GRIK1: variants seen among roughly 807,000 people sequenced by gnomAD.
GRIK1 encodes glutamate ionotropic receptor kainate type subunit 1.
A neutral mutation model predicts 105.7 loss-of-function variants in GRIK1; 69 were observed. That is an observed-to-expected ratio of 0.65 (90% CI 0.54 to 0.80). The LOEUF (loss-of-function observed/expected upper bound fraction) is 0.80. GRIK1 is among the 30% of genes least tolerant of loss of function. The pLI, the probability that GRIK1 is intolerant of heterozygous loss-of-function variation, is 0.00. For synonymous variants in GRIK1, 438 were observed against 431.3 expected, an observed-to-expected ratio of 1.02 and a Z score of -0.19; for missense variants, 1,109 against 1,167.3, an observed-to-expected ratio of 0.95 and a Z score of 0.73.
chr21:29,752,823 G>A (rs572221693), intron 1 of GRIK1, among the ~76,000 whole-genome samples: 38 of 152,194 alleles, frequency 2.5e-4, no homozygotes, highest in Non-Finnish European at 4.6e-4. Context: ...GGATGACAGA[G>A]TGAGGCCCTG....
intron 1 of GRIK1, among the ~76,000 whole-genome samples, chr21:29,916,244 A>G (rs1454254401): frequency 1.3e-5 from 2 of 151,986 alleles, no homozygotes; most frequent in Non-Finnish European, 2.9e-5. Flanking sequence ...TATCCATATT[A>G]TAATGTTGTA....
At chr21:29,774,638 G>T (rs459385) in intron 1 of GRIK1, among the ~76,000 whole-genome samples, 88,438 of 151,698 alleles carry the variant, frequency 0.58, 27,461 homozygotes, top group Middle Eastern at 0.69. Flanking sequence ...TTTTAGTGGA[G>T]ACAGGGTTTT....
chr21:29,540,970 A>AATT (rs1472823088), intron 16 of GRIK1, among the ~76,000 whole-genome samples: 1 of 134,630 alleles, frequency 7.4e-6, no homozygotes, highest in Non-Finnish European at 1.6e-5. Context: ...CTTGCACTTG[A>AATT]TTTTTTTTTT....
rs778719846 is a variant in GRIK1 at position 29,672,965 on chromosome 21, C to T, written c.726+18G>A. On this transcript the variant is annotated intron_variant, in intron 4 of 17. Transcript: ENST00000327783. ...TAACATTTATCCCACACCTCCACCT[C>T]CTCCCTAGCCCTCTTACCTGCTTAA... The T allele has an allele frequency of 5.1e-6, 8 of 1,566,528 alleles. No homozygotes were observed. The highest frequency in any genetic ancestry group is 3.5e-5 in the South Asian group (3 of 86,022).
At chr21:29,558,882 T>C (rs113797337) in intron 15 of GRIK1, among the ~76,000 whole-genome samples, 4,389 of 152,202 alleles carry the variant, frequency 0.029, 88 homozygotes, top group African/African-American at 0.036. Context: ...CGTCACTCAC[T>C]GTACTATCAG....
chr21:29,694,534 A>G (rs931187270), intron 1 of GRIK1, among the ~76,000 whole-genome samples: 2 of 152,222 alleles, frequency 1.3e-5, no homozygotes, highest in African/African-American at 2.4e-5. Context: ...CATGTGCCAC[A>G]TGCAGATAAA....
At chr21:29,679,163 T>C (rs781287221) in intron 3 of GRIK1, among the ~76,000 whole-genome samples, 1 of 152,204 alleles carries the variant, frequency 6.6e-6, no homozygotes, top group Non-Finnish European at 1.5e-5. Context: ...ATTTCATGTA[T>C]GTTTTCTCCC....
At position 29,758,192 on chromosome 21, in the gene GRIK1, C is replaced by T. The variant is rs2065401555; in HGVS notation, c.119-64129G>A. On this transcript the variant is annotated intron_variant, in intron 1 of 17. Transcript: ENST00000327783. The stretch of plus-strand genomic sequence containing the variant: ...ATTGCATGCCAAAGAGGAAAACAAA[C>T]TAAGATTTGGGAAATAACATCAAGT... Among the ~76,000 whole-genome samples, 4 of 152,292 alleles carry T rather than the reference C, an allele frequency of 2.6e-5. No homozygotes were observed. The South Asian group carries it at 8.3e-4, about 32-fold the overall frequency.
chr21:29,900,761 T>G (rs933091773), intron 1 of GRIK1, among the ~76,000 whole-genome samples: 1 of 152,120 alleles, frequency 6.6e-6, no homozygotes, highest in African/African-American at 2.4e-5. Context: ...TATCCAGGAC[T>G]TGAACTCAGC....
intron 1 of GRIK1, among the ~76,000 whole-genome samples, chr21:29,786,498 T>A (rs1159191507): frequency 6.6e-6 from 1 of 152,210 alleles, no homozygotes; most frequent in African/African-American, 2.4e-5. Context: ...TAAATTCTAT[T>A]ACTGTAGTTA....
At chr21:29,795,098 C>A (rs1300078969) in intron 1 of GRIK1, among the ~76,000 whole-genome samples, 1 of 126,928 alleles carries the variant, frequency 7.9e-6, no homozygotes, top group African/African-American at 3.0e-5. Context: ...TGCAGTGGTG[C>A]AATCTTGGCT....
chr21:29,904,597 TCATGG>T (rs1166015131), intron 1 of GRIK1, among the ~76,000 whole-genome samples: 1 of 152,146 alleles, frequency 6.6e-6, no homozygotes, highest in East Asian at 1.9e-4. Flanking sequence ...GCAATCACTT[TCATGG>T]GGTTGCAATG....
At position 29,547,522 on chromosome 21, in the gene GRIK1, G is replaced by A. The variant is rs548319101; in HGVS notation, c.2607+7530C>T. On this transcript the variant is annotated intron_variant, in intron 16 of 17. Coordinates refer to ENST00000327783, the MANE Select transcript of GRIK1 (RefSeq NM_001330994.2). ...CACAGATGAAGAAACTGAGGTTGAG[G>A]GAAGTAAAATGACTTGCCCAAAGAC... is the stretch of plus-strand genomic sequence containing the variant. 1.8e-4 allele frequency among the ~76,000 whole-genome samples: 28 copies of A among 152,322 alleles called. No homozygotes were observed. The Middle Eastern group carries it at 0.01, about 56-fold the overall frequency.
At chr21:29,551,898 A>T (rs1749948132) in intron 16 of GRIK1, among the ~76,000 whole-genome samples, 1 of 152,132 alleles carries the variant, frequency 6.6e-6, no homozygotes, top group South Asian at 2.1e-4. Context: ...CCAACATCTG[A>T]TTCTATTGAT....
intron 1 of GRIK1, among the ~76,000 whole-genome samples, chr21:29,752,990 C>T (rs2065243554): frequency 6.6e-6 from 1 of 152,176 alleles, no homozygotes; most frequent in African/African-American, 2.4e-5. Flanking sequence ...TGCTCTAGTT[C>T]CTATTTGGAG....
At chr21:29,741,645 A>G (rs538939935) in intron 1 of GRIK1, among the ~76,000 whole-genome samples, 1 of 152,370 alleles carries the variant, frequency 6.6e-6, no homozygotes, top group African/African-American at 2.4e-5. Flanking sequence ...TTCTTGAAGG[A>G]TACATCTTGA....
intron 14 of GRIK1, among the ~76,000 whole-genome samples, chr21:29,565,132 A>G (rs1384931383): frequency 6.6e-6 from 1 of 152,194 alleles, no homozygotes; most frequent in Non-Finnish European, 1.5e-5. Flanking sequence ...TGGTAAGTTG[A>G]AGGTATAGGA....
chr21:29,868,294 G>C (rs896888548), intron 1 of GRIK1, among the ~76,000 whole-genome samples: 1 of 152,140 alleles, frequency 6.6e-6, no homozygotes, highest in Non-Finnish European at 1.5e-5. Flanking sequence ...AGGCTCTCTT[G>C]TCTGAGACAT....
chr21:29,577,266 T>C lies in GRIK1; in HGVS notation c.1913-85A>G, dbSNP rs1423452019. On this transcript the variant is annotated intron_variant, in intron 13 of 17. Transcript: ENST00000327783. ...ACAGTTCGACACTATTCTAGGAAGA[T>C]CAACCTGTAAAAGACTTACCGTCTT... 9.3e-6 allele frequency: 7 copies of C among 755,634 alleles called. No homozygotes were observed. In the East Asian group the frequency reaches 1.7e-4, roughly 19 times the overall value. The allele number at this position is 755,634 out of a possible 1,614,324, so 46.8% of individuals were successfully genotyped here. A position where few individuals can be genotyped will look rare whatever the true frequency, so the allele number is the denominator to read the frequency against.
Sources: gnomAD v4.1 joint callset for allele counts (sites outside exome capture counted in the v4.1 genomes callset) on GRCh38, gnomAD v4.1.1 for gene constraint, MANE v1.5 for transcripts, NCBI Gene and HGNC (gene_info 2026-07-23, HGNC 2026-07-21) for gene names.